The following MAPKAPK5 variants were observed in gnomAD, a reference collection of about 807,000 sequenced individuals.
The protein encoded by MAPKAPK5 is MAPK activated protein kinase 5.
Under a neutral mutation model 65.1 loss-of-function variants are expected in MAPKAPK5, and 30 were observed. The observed-to-expected ratio is 0.46, with a 90% CI of 0.34 to 0.63. MAPKAPK5 has a LOEUF of 0.63. Ranked by LOEUF, MAPKAPK5 falls within the 20% of genes least tolerant of loss-of-function variation. The pLI, the probability that MAPKAPK5 is intolerant of heterozygous loss-of-function variation, is 0.01. For missense variants in MAPKAPK5, 433 were observed against 581.4 expected (o/e 0.74, Z 2.63); for synonymous variants, 179 against 204.6 (o/e 0.87, Z 1.07).
At chr12:111,848,610 A>G (rs2068975477) in intron 1 of MAPKAPK5, among the ~76,000 whole-genome samples, 2 of 147,780 alleles carry the variant, frequency 1.4e-5, no homozygotes, top group South Asian at 4.3e-4. Context: ...ATGGGGTTTC[A>G]CCATGTTGGC....
intron 8 of MAPKAPK5, chr12:111,882,691 C>T: frequency 2.0e-6 from 1 of 509,238 alleles, no homozygotes; most frequent in Non-Finnish European, 2.5e-6. Flanking sequence ...CTTTTTTTCA[C>T]AGTATCTTCC....
intron 1 of MAPKAPK5, among the ~76,000 whole-genome samples, chr12:111,845,249 C>T (rs923281623): frequency 3.9e-5 from 6 of 152,054 alleles, no homozygotes; most frequent in South Asian, 2.1e-4. Flanking sequence ...CTTGGCCCTC[C>T]GAGTAGCTGG....
intron 8 of MAPKAPK5, among the ~76,000 whole-genome samples, chr12:111,881,403 C>CATT: frequency 9.0e-6 from 1 of 110,712 alleles, no homozygotes; most frequent in East Asian, 2.4e-4. Context: ...CTGTCTGTTC[C>CATT]TTTTTTTTTT....
intron 1 of MAPKAPK5, among the ~76,000 whole-genome samples, chr12:111,864,772 G>T (rs1216985026): frequency 2.0e-5 from 3 of 151,860 alleles, no homozygotes; most frequent in Non-Finnish European, 4.4e-5. Flanking sequence ...TATTTTTTTT[G>T]AACTTTTAAG....
At position 111,900,587 on chromosome 12, in the gene MAPKAPK5, G is replaced by A. The variant is rs1252950196; in HGVS notation, c.*7526G>A. ...GGGATTCTGCCTGTGGAAATGGTGT[G>A]GTGGAGGACACGGAGCAGTGTGACT... On this transcript the variant is annotated 3_prime_UTR_variant, in exon 14 of 14. Coordinates refer to ENST00000550735, the MANE Select transcript of MAPKAPK5 (RefSeq NM_003668.4). 2.2e-6 allele frequency: 1 copy of A among 456,032 alleles called. No homozygotes were observed. The highest frequency in any genetic ancestry group is 4.4e-6 in the Non-Finnish European group (1 of 226,814). 28.2% of individuals were successfully genotyped at this position (456,032 alleles called of 1,614,324 possible).
At position 111,890,092 on chromosome 12, in the gene MAPKAPK5, T is replaced by C. The variant is rs370779923; in HGVS notation, c.1269T>C (p.Tyr423=). ...AAGTAATGCAGGAGGCTTGGAAGTA[T>C]AACCGGGAATGCAAACTCCTAAGAG... ...LNEVMQEAWK[Y]NRECKLLRDT... is the part of the protein sequence containing the mutation. The change falls in exon 13 of 14, where the codon TAT becomes TAC. Residue 423 remains tyrosine, a synonymous_variant. Coordinates refer to ENST00000550735, the MANE Select transcript of MAPKAPK5 (RefSeq NM_003668.4). 1.4e-5 allele frequency: 23 copies of C among 1,600,082 alleles called. No homozygotes were observed. Among genetic ancestry groups the C allele is most frequent in the Admixed American group, 5.2e-5 (3 of 57,946 alleles).
At chr12:111,868,629 T>G in intron 4 of MAPKAPK5, 124 bp from the exon 5 acceptor site, 4 of 728,030 alleles carry the variant, frequency 5.5e-6, no homozygotes, top group Non-Finnish European at 9.0e-6. Context: ...ACCCTGGACT[T>G]AGGAAGTTGT....
chr12:111,888,526 G>C lies in MAPKAPK5; in HGVS notation c.1008G>C (p.Gln336His). ...VAGIQQAHAE[Q>H]LANMRIQDLK... The stretch of plus-strand genomic sequence containing the variant: ...GAATCCAGCAGGCTCACGCGGAACA[G>C]TTGGCCAACATGAGAATCCAGGATC... Residue 336 changes from glutamine (Q) to histidine (H), a missense_variant, in exon 11 of 14, where the codon CAG (glutamine) becomes CAC (histidine). By Grantham distance (24) the Gln-to-His change is conservative (BLOSUM62 0). Transcript: ENST00000550735. The C allele has an allele frequency of 6.2e-7, 1 of 1,614,020 alleles. No homozygotes were observed. Among genetic ancestry groups the C allele is most frequent in the Non-Finnish European group, 8.5e-7 (1 of 1,179,890 alleles).
chr12:111,858,873 G>T lies in MAPKAPK5; in HGVS notation c.37-6377G>T, dbSNP rs1361801012. Among the ~76,000 whole-genome samples the T allele has an allele frequency of 2.0e-5, 3 of 148,038 alleles. 1 individual carries two copies. The highest frequency in any genetic ancestry group is 7.5e-5 in the African/African-American group (3 of 39,984). On this transcript the variant is annotated intron_variant, in intron 1 of 13. Transcript: ENST00000550735. The stretch of plus-strand genomic sequence containing the variant: ...CACCTCTGATCAGTTTTTCATGCCA[G>T]TCATTATAATTTTTAACTCTAGAAT...
chr12:111,867,550 C>G, intron 3 of MAPKAPK5, 22 bp from the exon 4 acceptor site: 3 of 1,584,348 alleles, frequency 1.9e-6, no homozygotes, highest in East Asian at 2.2e-5. Context: ...CCTATTGATA[C>G]ATTTCCTCTG....
intron 9 of MAPKAPK5, 144 bp from the exon 10 acceptor site, chr12:111,885,772 A>T: frequency 1.0e-6 from 1 of 961,328 alleles, no homozygotes; most frequent in Non-Finnish European, 1.5e-6. Flanking sequence ...TGGAGACTAG[A>T]ATCCCATCTG....
chr12:111,851,304 C>G lies in MAPKAPK5; in HGVS notation c.36+8535C>G, dbSNP rs189081585. ...GTCTACTTGTCCACAAACAGTGTCT[C>G]TAATCCAGCCTGTAGATCAGGAGGT... On this transcript the variant is annotated intron_variant, in intron 1 of 13. Coordinates refer to ENST00000550735, the MANE Select transcript of MAPKAPK5 (RefSeq NM_003668.4). 1.8e-3 allele frequency among the ~76,000 whole-genome samples: 267 copies of G among 152,106 alleles called. 1 individual carries two copies. The highest frequency in any genetic ancestry group is 3.3e-3 in the Non-Finnish European group (222 of 68,018).
rs181751168 is a variant in MAPKAPK5, at chr12:111,891,610, G to A, written c.1322-1357G>A. ...AGATCAAGACCATCCTGGCTAACAC[G>A]GTGAAACCCCACCTCTACTAAAAAT... On this transcript the variant is annotated intron_variant, in intron 13 of 13. Coordinates refer to ENST00000550735, the MANE Select transcript of MAPKAPK5 (RefSeq NM_003668.4). 7.9e-3 allele frequency among the ~76,000 whole-genome samples: 1,152 copies of A among 145,046 alleles called. 13 individuals are homozygous for A. Among genetic ancestry groups the A allele is most frequent in the African/African-American group, 0.027 (1,034 of 38,752 alleles).
At chr12:111,855,960 A>G (rs573904979) in intron 1 of MAPKAPK5, among the ~76,000 whole-genome samples, 1 of 149,746 alleles carries the variant, frequency 6.7e-6, no homozygotes, top group South Asian at 2.1e-4. Context: ...GGTTCAAGCG[A>G]TTATCCTGCC....
At chr12:111,865,107 C>A in intron 1 of MAPKAPK5, 143 bp from the exon 2 acceptor site, 1 of 591,430 alleles carries the variant, frequency 1.7e-6, no homozygotes, top group Non-Finnish European at 3.0e-6. Context: ...TCATAAAGCC[C>A]TGTAGAACAC....
chr12:111,867,720 A>G, intron 4 of MAPKAPK5, 51 bp downstream of exon 4: 1 of 1,372,626 alleles, frequency 7.3e-7, no homozygotes, highest in Non-Finnish European at 1.0e-6. Context: ...GCCAATGTGT[A>G]GTGGAGCTGT....
chr12:111,847,262 C>G (rs2068933632), intron 1 of MAPKAPK5, among the ~76,000 whole-genome samples: 1 of 150,792 alleles, frequency 6.6e-6, no homozygotes, highest in African/African-American at 2.5e-5. Context: ...GCAGGAGAAT[C>G]ACTTGAACAC....
At chr12:111,851,677 C>A (rs1267517581) in intron 1 of MAPKAPK5, among the ~76,000 whole-genome samples, 1 of 152,126 alleles carries the variant, frequency 6.6e-6, no homozygotes, top group Non-Finnish European at 1.5e-5. Flanking sequence ...ATTGTTAACA[C>A]CAAGGAAGAG....
chr12:111,900,945 A>G lies in MAPKAPK5; in HGVS notation c.*7884A>G, dbSNP rs756454336. The G allele has an allele frequency of 2.2e-6, 1 of 456,118 alleles. No homozygotes were observed. 28.3% of individuals were successfully genotyped at this position (456,118 alleles called of 1,614,324 possible). A position where few individuals can be genotyped will look rare whatever the true frequency, so the allele number is the denominator to read the frequency against. ...ACAAGAGTGTTACAATTCAATGAAC[A>G]GCAAAGGGGACCAATTTGGAAACTG... On this transcript the variant is annotated 3_prime_UTR_variant, in exon 14 of 14. Coordinates refer to ENST00000550735, the MANE Select transcript of MAPKAPK5 (RefSeq NM_003668.4).
Sources: allele counts gnomAD v4.1 joint callset (sites outside exome capture counted in the v4.1 genomes callset), GRCh38; gene constraint gnomAD v4.1.1; transcripts MANE v1.5; gene names NCBI Gene and HGNC (gene_info 2026-07-23, HGNC 2026-07-21).